Variants in VPS53 observed in about 807,000 individuals in gnomAD.
The protein encoded by VPS53 is vacuolar protein sorting-associated protein 53 homolog.
Under a neutral mutation model 107.0 loss-of-function variants are expected in VPS53, and 70 were observed. That is an observed-to-expected ratio of 0.65 (90% confidence interval 0.54 to 0.80). The LOEUF (loss-of-function observed/expected upper bound fraction) is 0.80, where lower values mean the gene tolerates loss of function less well. VPS53 is among the 30% of genes least tolerant of loss of function. The pLI, the probability that VPS53 is intolerant of heterozygous loss-of-function variation, is 0.00. For synonymous variants in VPS53, 409 were observed against 393.3 expected (o/e 1.04, Z -0.47); for missense variants, 917 against 1,049.4 (o/e 0.87, Z 1.74).
intron 15 of VPS53, among the ~76,000 whole-genome samples, chr17:556,926 C>CA (rs57681128): frequency 0.026 from 3,664 of 140,472 alleles, 106 homozygotes; most frequent in East Asian, 0.037. Context: ...GGGGGGTGGC[C>CA]AGGAGGGGCT....
intron 12 of VPS53, among the ~76,000 whole-genome samples, chr17:594,081 T>C (rs1338511397): frequency 6.6e-6 from 1 of 152,118 alleles, no homozygotes; most frequent in Admixed American, 6.5e-5. Flanking sequence ...ACACCGCATA[T>C]TCTCACTCAC....
Position 519,137 on chromosome 17 carries a change from C to T in VPS53, c.2490G>A (p.Lys830=), listed in dbSNP as rs1392629585. ...GGGCCCCTTGCTGCTGCTACAGTCT[C>T]TTTTTAATGAGTTTCTCGAGCTTGC... ...RIRKLEKLIK[K]RL The change falls in exon 22 of 22, where the codon AAG becomes AAA. Residue 830 remains lysine, a synonymous_variant. Transcript: ENST00000437048. This position sits in a 1 kb window ranked among gnomAD's most constrained non-coding sequence, Gnocchi z 5.0. The T allele has an allele frequency of 1.2e-5, 19 of 1,525,196 alleles. No individual in the cohort carries two copies. Among genetic ancestry groups the T allele is most frequent in the Non-Finnish European group, 1.7e-5 (19 of 1,135,794 alleles). 94.5% of individuals were successfully genotyped at this position (1,525,196 alleles called of 1,614,324 possible). A position where few individuals can be genotyped will look rare whatever the true frequency, so the allele number is the denominator to read the frequency against.
intron 13 of VPS53, among the ~76,000 whole-genome samples, chr17:574,055 A>T (rs925649497): frequency 6.6e-6 from 1 of 152,156 alleles, no homozygotes; most frequent in Admixed American, 6.6e-5. Context: ...TATGACTTTA[A>T]AATGGTTAAT....
chr17:575,377 T>A (rs1444287113), intron 13 of VPS53, among the ~76,000 whole-genome samples: 1 of 151,952 alleles, frequency 6.6e-6, no homozygotes, highest in Non-Finnish European at 1.5e-5. Context: ...AGGGGAGGGG[T>A]GAAGTGCAAT....
chr17:580,148 G>A (rs1163725227), intron 13 of VPS53, among the ~76,000 whole-genome samples: 2 of 151,056 alleles, frequency 1.3e-5, no homozygotes, highest in Non-Finnish European at 2.9e-5. Context: ...TGTGTTCCCA[G>A]AGAACCTCCC....
chr17:652,779 C>T (rs1306323047), intron 7 of VPS53, among the ~76,000 whole-genome samples: 1 of 152,180 alleles, frequency 6.6e-6, no homozygotes, highest in African/African-American at 2.4e-5. Flanking sequence ...GAAATAGATA[C>T]CTAGAACAGT....
At chr17:711,848 G>A (rs576502577) in intron 1 of VPS53, among the ~76,000 whole-genome samples, 21 of 144,008 alleles carry the variant, frequency 1.5e-4, no homozygotes, top group Non-Finnish European at 1.0e-4. Context: ...ACGGAGTCTC[G>A]CGCTGTCACC....
chr17:519,416 A>G lies in VPS53; in HGVS notation c.2329-118T>C, dbSNP rs1908550523. The G allele has an allele frequency of 1.8e-6, 2 of 1,087,864 alleles. No homozygotes were observed. The highest frequency in any genetic ancestry group is 5.5e-5 in the East Asian group (2 of 36,148). 67.4% of individuals were successfully genotyped at this position (1,087,864 alleles called of 1,614,324 possible). A position where few individuals can be genotyped will look rare whatever the true frequency, so the allele number is the denominator to read the frequency against. On this transcript the variant is annotated intron_variant, in intron 21 of 21. Transcript: ENST00000437048. This position sits in a 1 kb window ranked among gnomAD's most constrained non-coding sequence, Gnocchi z 5.0. ...GCTCTGGAGACAGCATAGTTACTCCAGGCTGAGGATGAACCGTTTCCTCAA... is the reference window on the plus strand; with the variant it reads ...GCTCTGGAGACAGCATAGTTACTCCGGGCTGAGGATGAACCGTTTCCTCAA...
intron 15 of VPS53, among the ~76,000 whole-genome samples, chr17:558,852 G>A (rs969635528): frequency 6.6e-5 from 10 of 151,196 alleles, no homozygotes; most frequent in Admixed American, 2.0e-4. Flanking sequence ...AAAATTAGCC[G>A]GGGATGGTGA....
At chr17:593,342 CA>C (rs1236784965) in intron 12 of VPS53, among the ~76,000 whole-genome samples, 4 of 152,082 alleles carry the variant, frequency 2.6e-5, no homozygotes, top group African/African-American at 9.7e-5. Flanking sequence ...TTCTGCACAG[CA>C]AAAGAAACTA....
intron 13 of VPS53, among the ~76,000 whole-genome samples, chr17:582,088 CA>C (rs1967054020): frequency 7.1e-6 from 1 of 141,144 alleles, no homozygotes; most frequent in Admixed American, 7.1e-5. Flanking sequence ...AACCTGCCTT[CA>C]AACCTAATGC....
intron 6 of VPS53, among the ~76,000 whole-genome samples, chr17:654,817 T>C (rs1971118968): frequency 6.6e-6 from 1 of 151,620 alleles, no homozygotes; most frequent in African/African-American, 2.4e-5. Context: ...ACCACCTGGT[T>C]TTACCACCGC....
intron 19 of VPS53, chr17:532,562 C>T (rs1326637465): frequency 1.6e-6 from 1 of 631,368 alleles, no homozygotes; most frequent in Non-Finnish European, 2.2e-6. Flanking sequence ...CCCGGCCCAG[C>T]CACTTCTTCT....
chr17:536,749 C>T (rs543978553), intron 18 of VPS53: 66 of 354,530 alleles, frequency 1.9e-4, no homozygotes, highest in Middle Eastern at 1.7e-3. Context: ...GGCGGCCACA[C>T]GTCACTGTAC....
At chr17:554,308 A>G (rs539251969) in intron 15 of VPS53, among the ~76,000 whole-genome samples, 1 of 152,378 alleles carries the variant, frequency 6.6e-6, no homozygotes, top group African/African-American at 2.4e-5. Flanking sequence ...AAAGAAAAAT[A>G]ACGGGACCAA....
chr17:575,390 G>A (rs1347565574), intron 13 of VPS53, among the ~76,000 whole-genome samples: 1 of 152,172 alleles, frequency 6.6e-6, no homozygotes, highest in Non-Finnish European at 1.5e-5. Flanking sequence ...AGTGCAATCA[G>A]ACCTAAATGC....
In VPS53 at chr17:546,329, TCACACACACACACA is replaced by T. The variant is rs71371545; in HGVS notation, c.1866+5529_1866+5542del. On this transcript the variant is annotated intron_variant, in intron 17 of 21. Transcript: ENST00000437048. ...ATCAGGCAATGGTATCTTAGATATC[TCACACACACACACA>T]CACACACACACACACACACACACAC... Among the ~76,000 whole-genome samples, 152 of 131,976 alleles carry T rather than the reference TCACACACACACACA, an allele frequency of 1.2e-3. 1 individual carries two copies. Among genetic ancestry groups the T allele is most frequent in the East Asian group, 0.01 (47 of 4,518 alleles). 86.6% of individuals were successfully genotyped at this position (131,976 alleles called of 152,430 possible).
At chr17:579,159 CA>C in intron 13 of VPS53, among the ~76,000 whole-genome samples, 1 of 149,902 alleles carries the variant, frequency 6.7e-6, no homozygotes, top group Non-Finnish European at 1.5e-5. Context: ...GAACCTCCCT[CA>C]GAACCTAATG....
intron 17 of VPS53, among the ~76,000 whole-genome samples, chr17:549,117 G>A (rs946135227): frequency 6.6e-6 from 1 of 151,472 alleles, no homozygotes; most frequent in Non-Finnish European, 1.5e-5. Context: ...GAGCCTTGCA[G>A]CTCCCAGCAC....
Sources: gnomAD v4.1 joint callset for allele counts (sites outside exome capture counted in the v4.1 genomes callset) on GRCh38, gnomAD v4.1.1 for gene constraint, Gnocchi (gnomAD v3.1) non-coding constraint, MANE v1.5 for transcripts, NCBI Gene and HGNC (gene_info 2026-07-23, HGNC 2026-07-21) for gene names.